ARHGAP24: variants seen among roughly 807,000 people sequenced by gnomAD.
The protein encoded by ARHGAP24 is Rho GTPase activating protein 24.
ARHGAP24 carries 50 observed loss-of-function variants against 76.4 expected under a neutral mutation model. The observed-to-expected ratio is 0.65, with a 90% CI of 0.52 to 0.83. The LOEUF (loss-of-function observed/expected upper bound fraction) is 0.83. Ranked by LOEUF, ARHGAP24 falls within the 40% of genes least tolerant of loss-of-function variation. The pLI is 0.00. For missense variants in ARHGAP24, 930 were observed against 914.2 expected (o/e 1.02, Z -0.22); for synonymous variants, 345 against 323.3 (o/e 1.07, Z -0.72).
intron 3 of ARHGAP24, among the ~76,000 whole-genome samples, chr4:85,734,570 GT>G (rs1725533303): frequency 6.6e-6 from 1 of 150,904 alleles, no homozygotes; most frequent in Non-Finnish European, 1.5e-5. Flanking sequence ...GGAGCAAGGG[GT>G]GTCAAGGCAG....
intron 1 of ARHGAP24, among the ~76,000 whole-genome samples, chr4:85,484,574 A>T (rs1017108303): frequency 1.3e-5 from 2 of 152,068 alleles, no homozygotes; most frequent in African/African-American, 4.8e-5. Context: ...ATGATATTTT[A>T]TTCACCCCCC....
chr4:85,882,774 T>C (rs1578340901), intron 3 of ARHGAP24, among the ~76,000 whole-genome samples: 1 of 152,190 alleles, frequency 6.6e-6, no homozygotes, highest in Non-Finnish European at 1.5e-5. Flanking sequence ...CTGGTGTCAA[T>C]GTATAACTAT....
intron 1 of ARHGAP24, among the ~76,000 whole-genome samples, chr4:85,477,613 A>G (rs1429241366): frequency 1.3e-5 from 2 of 152,130 alleles, no homozygotes; most frequent in African/African-American, 4.8e-5. Context: ...GGTGAAGGGT[A>G]AGGAGTGGGC....
At chr4:85,631,174 C>G (rs1183149242) in intron 2 of ARHGAP24, among the ~76,000 whole-genome samples, 2 of 152,048 alleles carry the variant, frequency 1.3e-5, no homozygotes, top group African/African-American at 4.8e-5. Context: ...ACAACTTGCT[C>G]TTAGTTTCTT....
At chr4:85,837,328 C>T (rs1331201953) in intron 3 of ARHGAP24, among the ~76,000 whole-genome samples, 1 of 152,132 alleles carries the variant, frequency 6.6e-6, no homozygotes, top group African/African-American at 2.4e-5. Flanking sequence ...CAAGGGAAAA[C>T]ATTTTCCCCA....
chr4:85,551,859 GT>G (rs1726154328), intron 1 of ARHGAP24, among the ~76,000 whole-genome samples: 1 of 151,932 alleles, frequency 6.6e-6, no homozygotes, highest in South Asian at 2.1e-4. Flanking sequence ...TTTCTGTGGT[GT>G]ATTGGTCATG....
chr4:85,906,061 A>C (rs1163059946), intron 3 of ARHGAP24, among the ~76,000 whole-genome samples: 1 of 152,228 alleles, frequency 6.6e-6, no homozygotes, highest in Non-Finnish European at 1.5e-5. Flanking sequence ...AGGAGTAGTA[A>C]AATGCAGAAG....
chr4:85,564,966 A>ATATT (rs1560534862), intron 1 of ARHGAP24, among the ~76,000 whole-genome samples: 3 of 127,034 alleles, frequency 2.4e-5, no homozygotes, highest in Non-Finnish European at 3.3e-5. Flanking sequence ...ATATATATAT[A>ATATT]TATACCCACA....
intron 5 of ARHGAP24, among the ~76,000 whole-genome samples, chr4:85,966,295 A>G (rs1738597510): frequency 6.6e-6 from 1 of 152,148 alleles, no homozygotes; most frequent in Non-Finnish European, 1.5e-5. Flanking sequence ...TACGAAGAGG[A>G]TAGGAGGGAT....
At chr4:85,874,273 A>C (rs1338904924) in intron 3 of ARHGAP24, among the ~76,000 whole-genome samples, 1 of 152,162 alleles carries the variant, frequency 6.6e-6, no homozygotes, top group African/African-American at 2.4e-5. Context: ...TGGAGGTCTC[A>C]AAGAGTACTT....
chr4:85,681,022 T>A (rs2110009823), intron 2 of ARHGAP24, among the ~76,000 whole-genome samples: 1 of 152,240 alleles, frequency 6.6e-6, no homozygotes, highest in South Asian at 2.1e-4. Context: ...GAAATGTGTC[T>A]TGAGGATACA....
rs548050531 is a variant in ARHGAP24 at position 85,719,960 on chromosome 4, G to A, written c.181-1925G>A. On this transcript the variant is annotated intron_variant, in intron 2 of 9. Transcript: ENST00000395184. ...GGAGCATGCTGCCATTTATAGAAGG[G>A]TAGTTGCTGGATGATAGAAAGCCAT... 6.6e-5 allele frequency among the ~76,000 whole-genome samples: 10 copies of A among 152,188 alleles called. No homozygotes were observed. In the East Asian group the frequency reaches 1.9e-3, roughly 29 times the overall value.
chr4:85,685,738 C>T (rs1045088545), intron 2 of ARHGAP24, among the ~76,000 whole-genome samples: 1 of 152,080 alleles, frequency 6.6e-6, no homozygotes, highest in African/African-American at 2.4e-5. Flanking sequence ...GTTTTTGTTA[C>T]AAGAGCAGGT....
chr4:85,794,963 T>C lies in ARHGAP24; in HGVS notation c.268+72991T>C, dbSNP rs1728284715. Among the ~76,000 whole-genome samples, 4 of 152,216 alleles carry C rather than the reference T, an allele frequency of 2.6e-5. No individual in the cohort carries two copies. The South Asian group carries it at 8.3e-4, about 32-fold the overall frequency. ...GTCCACCCTCTTGTACCTCTTGGGTTATCCCCCTTAAACAACAGCTTGAGA... is the reference window on the plus strand; with the variant it reads ...GTCCACCCTCTTGTACCTCTTGGGTCATCCCCCTTAAACAACAGCTTGAGA... On this transcript the variant is annotated intron_variant, in intron 3 of 9. Coordinates refer to ENST00000395184, the MANE Select transcript of ARHGAP24 (RefSeq NM_001025616.3).
At chr4:85,552,586 C>T (rs1213851804) in intron 1 of ARHGAP24, among the ~76,000 whole-genome samples, 1 of 152,058 alleles carries the variant, frequency 6.6e-6, no homozygotes, top group African/African-American at 2.4e-5. Context: ...AACTTTGTGC[C>T]TCTATGATCT....
chr4:85,828,530 A>ATTTT (rs1560655643), intron 3 of ARHGAP24, among the ~76,000 whole-genome samples: 17 of 133,368 alleles, frequency 1.3e-4, no homozygotes, highest in African/African-American at 3.9e-4. Flanking sequence ...TTTTTTTTTA[A>ATTTT]AAAAAGCCAA....
chr4:85,639,591 T>G (rs987687244), intron 2 of ARHGAP24, among the ~76,000 whole-genome samples: 3 of 146,966 alleles, frequency 2.0e-5, no homozygotes, highest in Non-Finnish European at 4.5e-5. Context: ...ATCAATAACA[T>G]TAAAAAGACT....
chr4:85,683,757 C>T (rs1723317990), intron 2 of ARHGAP24, among the ~76,000 whole-genome samples: 1 of 152,122 alleles, frequency 6.6e-6, no homozygotes, highest in Admixed American at 6.5e-5. Context: ...CCATTCCTTT[C>T]CCAACCTCCA....
intron 3 of ARHGAP24, among the ~76,000 whole-genome samples, chr4:85,898,992 C>T (rs1265864546): frequency 6.6e-6 from 1 of 152,160 alleles, no homozygotes; most frequent in Non-Finnish European, 1.5e-5. Context: ...GACCCACCCA[C>T]CTCGGCCTGC....
Sources: gnomAD v4.1 joint callset for allele counts (sites outside exome capture counted in the v4.1 genomes callset) on GRCh38, gnomAD v4.1.1 for gene constraint, MANE v1.5 for transcripts, NCBI Gene and HGNC (gene_info 2026-07-23, HGNC 2026-07-21) for gene names.